The following HARS1 variants were observed in gnomAD, a reference collection of about 807,000 sequenced individuals.
The protein encoded by HARS1 is histidine--tRNA ligase, cytoplasmic.
A neutral mutation model predicts 63.6 loss-of-function variants in HARS1; 45 were observed. The observed-to-expected ratio is 0.71, with a 90% CI of 0.56 to 0.91. The LOEUF is 0.91. Among genes scored for constraint, HARS1 ranks in the 40% least tolerant of loss-of-function variants. The pLI, the probability that HARS1 is intolerant of heterozygous loss-of-function variation, is 0.00. For synonymous variants in HARS1, 205 were observed against 247.1 expected, an observed-to-expected ratio of 0.83 and a Z score of 1.60; for missense variants, 508 against 643.2, an observed-to-expected ratio of 0.79 and a Z score of 2.27.
Position 140,691,253 on chromosome 5 carries a change from C to T in HARS1, c.52G>A (p.Val18Met), listed in dbSNP as rs774632798. 88 of 1,608,504 alleles carry T rather than the reference C, an allele frequency of 5.5e-5. No homozygotes were observed. The highest frequency in any genetic ancestry group is 7.0e-5 in the Non-Finnish European group (83 of 1,179,508). The change falls in exon 1 of 13, where the codon GTG becomes ATG. Residue 18 changes from valine (V) to methionine (M), a missense_variant. Val to Met is a conservative substitution (Grantham distance 21). Coordinates refer to ENST00000504156, the MANE Select transcript of HARS1 (RefSeq NM_002109.6). ...EELVKLQGER[V>M]RGLKQQKASA... is the part of the protein sequence containing the mutation. ...GCCTTCTGCTGCTTGAGGCCTCGCACGCGCTCTCCCTGAAGTTTCACCAGC... is the reference window on the plus strand; with the variant it reads ...GCCTTCTGCTGCTTGAGGCCTCGCATGCGCTCTCCCTGAAGTTTCACCAGC...
At chr5:140,674,963 G>A (rs1046407647) in intron 11 of HARS1, 54 bp downstream of exon 11, 35 of 1,479,784 alleles carry the variant, frequency 2.4e-5, no homozygotes, top group Non-Finnish European at 3.3e-5. Flanking sequence ...CTTTTATTCA[G>A]TTTGTGTCCA....
At chr5:140,683,480 A>G (rs983592418) in intron 2 of HARS1, 1 of 1,206,726 alleles carries the variant, frequency 8.3e-7, no homozygotes, top group Non-Finnish European at 1.0e-6. Flanking sequence ...CTTTTCTTTA[A>G]GCCATTTTTC....
rs1170776293 is a variant in HARS1, at chr5:140,674,131, G to A, written c.*126C>T. 2.7e-6 allele frequency: 2 copies of A among 750,802 alleles called. No individual in the cohort carries two copies. Among genetic ancestry groups the A allele is most frequent in the Admixed American group, 3.9e-5 (2 of 51,588 alleles). 46.5% of individuals were successfully genotyped at this position (750,802 alleles called of 1,614,324 possible). A position where few individuals can be genotyped will look rare whatever the true frequency, so the allele number is the denominator to read the frequency against. On this transcript the variant is annotated 3_prime_UTR_variant, in exon 13 of 13. Transcript: ENST00000504156. ...AACCATAATAAAAATCAAAGGCTCT[G>A]TTCTGACCACTCTTCAGGTCTTCCG... is the stretch of plus-strand genomic sequence containing the variant.
Position 140,676,889 on chromosome 5 carries a change from AAGG to A in HARS1, c.956_958del (p.Ser319del). Reference sequence around the variant, plus strand: ...CAGCCCTCGAGCAAGGCTCAGGTCAAAGGAGATCTGTGGAGATAAGAAAATGGT... The same window carrying A: ...CAGCCCTCGAGCAAGGCTCAGGTCAAAGATCTGTGGAGATAAGAAAATGGT... On this transcript the variant is annotated inframe_deletion, in exon 10 of 13. Transcript: ENST00000504156. The surrounding 1 kb of genome is among the most constrained non-coding windows in gnomAD (Gnocchi z 4.1). The A allele has an allele frequency of 6.2e-7, 1 of 1,613,538 alleles. No homozygotes were observed. The highest frequency in any genetic ancestry group is 8.5e-7 in the Non-Finnish European group (1 of 1,179,486).
chr5:140,675,153 A>G lies in HARS1; in HGVS notation c.1195-20T>C. 6.8e-7 allele frequency: 1 copy of G among 1,477,920 alleles called. No individual in the cohort carries two copies. Among genetic ancestry groups the G allele is most frequent in the South Asian group, 1.1e-5 (1 of 88,364 alleles). The allele number at this position is 1,477,920 out of a possible 1,614,324, so 91.6% of individuals were successfully genotyped here. On this transcript the variant is annotated intron_variant, in intron 10 of 12. Transcript: ENST00000504156. ...CAAAGCCTGGGGAAGGGGCAGATAA[A>G]AGAGAGCTGGGCTAACACCTTCAAG...
At chr5:140,677,211 G>A in intron 8 of HARS1, 95 bp from the exon 9 acceptor site, 1 of 1,436,196 alleles carries the variant, frequency 7.0e-7, no homozygotes, top group South Asian at 1.1e-5. Context: ...CCATGCATGT[G>A]TGTGTACATA....
intron 7 of HARS1, 106 bp downstream of exon 7, chr5:140,677,549 C>G (rs989747261): frequency 1.9e-6 from 2 of 1,055,650 alleles, no homozygotes; most frequent in African/African-American, 3.1e-5. Context: ...GCTAACCTTC[C>G]TCTGGTGGGT....
chr5:140,676,451 T>C lies in HARS1; in HGVS notation c.1194+203A>G. 6.4e-6 allele frequency: 4 copies of C among 622,956 alleles called. No individual in the cohort carries two copies. Among genetic ancestry groups the C allele is most frequent in the Non-Finnish European group, 1.1e-5 (4 of 357,030 alleles). 38.6% of individuals were successfully genotyped at this position (622,956 alleles called of 1,614,324 possible). On this transcript the variant is annotated intron_variant, in intron 10 of 12. Coordinates refer to ENST00000504156, the MANE Select transcript of HARS1 (RefSeq NM_002109.6). The surrounding 1 kb of genome is among the most constrained non-coding windows in gnomAD (Gnocchi z 4.1). ...GGAAGTAGAGACCCAGAGCAGAGGA[T>C]TGAGTGCAGAAAGATTATGGATTAA...
At chr5:140,690,023 T>C (rs1759284987) in intron 2 of HARS1, among the ~76,000 whole-genome samples, 1 of 152,236 alleles carries the variant, frequency 6.6e-6, no homozygotes, top group South Asian at 2.1e-4. Flanking sequence ...CCTCTGGCTA[T>C]CTCCTACTCA....
chr5:140,675,330 C>T (rs577410578), intron 10 of HARS1, 197 bp from the exon 11 acceptor site: 10 of 519,070 alleles, frequency 1.9e-5, no homozygotes, highest in African/African-American at 7.7e-5. Context: ...GTACATAGGA[C>T]GTATCAGAAT....
chr5:140,677,018 A>G lies in HARS1; in HGVS notation c.922T>C (p.Tyr308His), dbSNP rs1758413737. The change falls in exon 9 of 13, where the codon TAC (tyrosine) becomes CAC (histidine). Residue 308 changes from tyrosine to histidine, a missense_variant. Coordinates refer to ENST00000504156, the MANE Select transcript of HARS1 (RefSeq NM_002109.6). ...GLGDLKLLFE[Y>H]LTLFGIDDKI... is the part of the protein sequence containing the mutation. ...TCATCAATGCCAAATAGGGTCAGGT[A>G]CTCAAAGAGCAACTTCAGGTCTCCC... is the stretch of plus-strand genomic sequence containing the variant. The G allele has an allele frequency of 6.2e-7, 1 of 1,614,086 alleles. No homozygotes were observed. The highest frequency in any genetic ancestry group is 1.3e-5 in the African/African-American group (1 of 74,932).
chr5:140,680,019 G>A (rs1334233163), intron 3 of HARS1, 136 bp from the exon 4 acceptor site: 3 of 468,782 alleles, frequency 6.4e-6, no homozygotes, highest in South Asian at 4.1e-5. Flanking sequence ...GGTGTCTGAT[G>A]TAGTTATCAT....
At chr5:140,674,538 C>A in intron 12 of HARS1, 141 bp downstream of exon 12, 1 of 974,308 alleles carries the variant, frequency 1.0e-6, no homozygotes. Flanking sequence ...ACTAAGACCA[C>A]AGTAACAGGT....
At position 140,676,756 on chromosome 5, in the gene HARS1, A is replaced by G. The variant is rs758121959; in HGVS notation, c.1092T>C (p.Asp364=). The G allele has an allele frequency of 6.2e-7, 1 of 1,614,068 alleles. No homozygotes were observed. Among genetic ancestry groups the G allele is most frequent in the African/African-American group, 1.3e-5 (1 of 74,926 alleles). Residue 364 remains aspartate, a synonymous_variant, in exon 10 of 13, where the codon GAT becomes GAC. Coordinates refer to ENST00000504156, the MANE Select transcript of HARS1 (RefSeq NM_002109.6). This position sits in a 1 kb window ranked among gnomAD's most constrained non-coding sequence, Gnocchi z 4.1. ...VGSVAAGGRY[D]GLVGMFDPKG... Reference sequence around the variant, plus strand: ...TGGGGTCGAACATGCCCACTAGCCCATCATAGCGTCCTCCAGCAGCCACAC... The same window carrying G: ...TGGGGTCGAACATGCCCACTAGCCCGTCATAGCGTCCTCCAGCAGCCACAC...
chr5:140,678,869 A>G (rs1396209872), intron 5 of HARS1, 133 bp downstream of exon 5: 1 of 933,850 alleles, frequency 1.1e-6, no homozygotes, highest in East Asian at 2.7e-5. Flanking sequence ...AAACAAAAAA[A>G]CCACCATAGA....
chr5:140,679,114 C>T lies in HARS1; in HGVS notation c.410G>A (p.Arg137Gln), dbSNP rs191391414. The change falls in exon 5 of 13, where the codon CGG becomes CAG. Residue 137 changes from arginine (R) to glutamine (Q), a missense_variant. Transcript: ENST00000504156. The surrounding 1 kb of genome is among the most constrained non-coding windows in gnomAD (Gnocchi z 4.3). ...LRYDLTVPFA[R>Q]YLAMNKLTNI... ...GGTCAGTTTATTCATTGCCAAATACCGAGCAAAAGGAACCTGATGACAAAG... is the reference window on the plus strand; with the variant it reads ...GGTCAGTTTATTCATTGCCAAATACTGAGCAAAAGGAACCTGATGACAAAG... 336 of 1,613,940 alleles carry T rather than the reference C, an allele frequency of 2.1e-4. No individual in the cohort carries two copies. The highest frequency in any genetic ancestry group is 2.8e-4 in the Non-Finnish European group (327 of 1,179,890).
In HARS1 at chr5:140,674,443, C is replaced by CCCTCAG; in HGVS notation, c.1459-116_1459-115insCTGAGG. 3 of 851,144 alleles carry CCCTCAG rather than the reference C, an allele frequency of 3.5e-6. No homozygotes were observed. The South Asian group carries it at 4.4e-5, about 12-fold the overall frequency. The allele number at this position is 851,144 out of a possible 1,614,324, so 52.7% of individuals were successfully genotyped here. On this transcript the variant is annotated intron_variant, in intron 12 of 12. Coordinates refer to ENST00000504156, the MANE Select transcript of HARS1 (RefSeq NM_002109.6). ...GGCTTGTCTCAGCTGGGAGCAGGAA[C>CCCTCAG]CTAATTAAACACCTCAGGCTAGAGT... is the stretch of plus-strand genomic sequence containing the variant.
intron 2 of HARS1, among the ~76,000 whole-genome samples, chr5:140,686,870 G>C (rs1377037929): frequency 6.6e-6 from 1 of 152,188 alleles, no homozygotes; most frequent in Non-Finnish European, 1.5e-5. Flanking sequence ...TGGGATTATA[G>C]GCTTGAGCCA....
chr5:140,690,799 G>T (rs367709970), intron 2 of HARS1, 56 bp downstream of exon 2: 3 of 959,280 alleles, frequency 3.1e-6, no homozygotes, highest in African/African-American at 3.2e-5. Context: ...AGACATAAGC[G>T]CCCCGTGAGT....
Sources: allele counts gnomAD v4.1 joint callset (sites outside exome capture counted in the v4.1 genomes callset), GRCh38; gene constraint gnomAD v4.1.1; non-coding constraint Gnocchi (gnomAD v3.1); transcripts MANE v1.5; gene names NCBI Gene and HGNC (gene_info 2026-07-23, HGNC 2026-07-21).